The following ZFHX3 variants were observed in gnomAD, a reference collection of about 807,000 sequenced individuals.
The protein encoded by ZFHX3 is zinc finger homeobox protein 3.
A neutral mutation model predicts 279.1 loss-of-function variants in ZFHX3; 42 were observed. The ratio of observed to expected loss-of-function variants is 0.15; its 90% CI spans 0.12 to 0.19. The LOEUF is 0.19. Ranked by LOEUF, ZFHX3 falls within the 10% of genes least tolerant of loss-of-function variation. The pLI is 1.00. For missense variants in ZFHX3, 4,981 were observed against 4,754.0 expected (o/e 1.05, Z -1.40); for synonymous variants, 2,293 against 1,957.8 (o/e 1.17, Z -4.52).
intron 1 of ZFHX3, among the ~76,000 whole-genome samples, chr16:73,842,856 C>T (rs1476862517): frequency 1.3e-5 from 2 of 152,178 alleles, no homozygotes; most frequent in Non-Finnish European, 2.9e-5. Flanking sequence ...TCCCATGCCC[C>T]AGCTCTTATG....
At chr16:73,277,354 G>C (rs2014326887) in intron 4 of ZFHX3, among the ~76,000 whole-genome samples, 1 of 152,180 alleles carries the variant, frequency 6.6e-6, no homozygotes, top group Non-Finnish European at 1.5e-5. Flanking sequence ...ATTCTCAAGG[G>C]CAGCACTGTG....
At chr16:72,902,518 C>T (rs910975059) in intron 3 of ZFHX3, among the ~76,000 whole-genome samples, 3 of 152,194 alleles carry the variant, frequency 2.0e-5, no homozygotes, top group East Asian at 1.9e-4. Context: ...GCAAGGCACC[C>T]GTCCCTGGGG....
intron 7 of ZFHX3, among the ~76,000 whole-genome samples, chr16:73,113,943 C>A (rs554567238): frequency 1.4e-3 from 220 of 151,912 alleles, no homozygotes; most frequent in African/African-American, 5.2e-3. Context: ...CTACAGGCAC[C>A]CACTACCATG....
At chr16:73,355,837 T>C (rs375989732) in intron 3 of ZFHX3, among the ~76,000 whole-genome samples, 10 of 152,178 alleles carry the variant, frequency 6.6e-5, no homozygotes, top group African/African-American at 1.2e-4. Flanking sequence ...GTACCAAGCA[T>C]AGGGCTTGAC....
At chr16:73,005,477 G>A (rs1963668362) in intron 1 of ZFHX3, 1 of 151,404 alleles carries the variant, frequency 6.6e-6, no homozygotes, top group Non-Finnish European at 1.5e-5. Flanking sequence ...CCTAGGTGAG[G>A]GAACAAGACT....
chr16:73,631,800 G>C (rs558383273), intron 2 of ZFHX3, among the ~76,000 whole-genome samples: 1 of 151,976 alleles, frequency 6.6e-6, no homozygotes, highest in African/African-American at 2.4e-5. Context: ...CCAGCTACTC[G>C]GGTGGCTGAG....
chr16:72,997,533 C>A (rs1054572181), intron 1 of ZFHX3, among the ~76,000 whole-genome samples: 34 of 152,150 alleles, frequency 2.2e-4, no homozygotes, highest in African/African-American at 8.2e-4. Flanking sequence ...CAGATCACAG[C>A]CAGTGGGACA....
intron 5 of ZFHX3, among the ~76,000 whole-genome samples, chr16:73,160,316 C>A (rs1042124092): frequency 4.6e-5 from 7 of 152,036 alleles, no homozygotes; most frequent in African/African-American, 1.7e-4. Flanking sequence ...AATAAATAGC[C>A]CGTCAACCAA....
At chr16:73,358,732 ACT>A (rs749837545) in intron 3 of ZFHX3, among the ~76,000 whole-genome samples, 6 of 152,130 alleles carry the variant, frequency 3.9e-5, no homozygotes, top group Non-Finnish European at 8.8e-5. Context: ...CTGTAAAACA[ACT>A]CTGTGTCCAG....
intron 1 of ZFHX3, among the ~76,000 whole-genome samples, chr16:73,720,429 C>T (rs547982198): frequency 6.6e-6 from 1 of 152,294 alleles, no homozygotes; most frequent in East Asian, 1.9e-4. Context: ...ATGTCCATTT[C>T]CGTAGCTAAC....
At chr16:73,129,729 T>TGTGA (rs1323055864) in intron 7 of ZFHX3, among the ~76,000 whole-genome samples, 2 of 151,922 alleles carry the variant, frequency 1.3e-5, no homozygotes, top group African/African-American at 4.8e-5. Context: ...TGTGTGTGTG[T>TGTGA]GTGTGTGTGT....
intron 4 of ZFHX3, among the ~76,000 whole-genome samples, chr16:73,314,156 T>C (rs1315926012): frequency 6.6e-6 from 1 of 152,182 alleles, no homozygotes; most frequent in Non-Finnish European, 1.5e-5. Context: ...AAGAGGTGGG[T>C]CTCATCTAAT....
intron 7 of ZFHX3, among the ~76,000 whole-genome samples, chr16:73,130,391 G>A (rs1391150682): frequency 6.6e-6 from 1 of 152,042 alleles, no homozygotes; most frequent in African/African-American, 2.4e-5. Flanking sequence ...CATCCTTTTG[G>A]TCTTTACAGA....
At chr16:73,159,613 C>T (rs959694532) in intron 5 of ZFHX3, among the ~76,000 whole-genome samples, 9 of 152,128 alleles carry the variant, frequency 5.9e-5, no homozygotes, top group South Asian at 2.1e-4. Context: ...AACTCAGACT[C>T]GGAGAATGGC....
intron 8 of ZFHX3, among the ~76,000 whole-genome samples, chr16:73,070,959 C>T (rs1274127246): frequency 6.7e-6 from 1 of 148,172 alleles, no homozygotes; most frequent in African/African-American, 2.5e-5. Context: ...CACACACACA[C>T]ACACACACAC....
chr16:73,741,562 C>T (rs1179545192), intron 1 of ZFHX3, among the ~76,000 whole-genome samples: 1 of 152,202 alleles, frequency 6.6e-6, no homozygotes, highest in Non-Finnish European at 1.5e-5. Flanking sequence ...CCAAGCAGCT[C>T]TGGGCAGCCA....
At chr16:72,930,502 G>C (rs117289604) in intron 3 of ZFHX3, among the ~76,000 whole-genome samples, 3 of 152,038 alleles carry the variant, frequency 2.0e-5, no homozygotes, top group Non-Finnish European at 2.9e-5. Context: ...AAAGTATCTC[G>C]AGGCCCAAAG....
At chr16:72,984,555 G>A (rs564940019) in intron 1 of ZFHX3, among the ~76,000 whole-genome samples, 2 of 151,850 alleles carry the variant, frequency 1.3e-5, no homozygotes, top group Admixed American at 1.3e-4. Context: ...GAGCTCAAGA[G>A]GTTGAGGCTG....
At chr16:73,094,721 T>C (rs932455853) in intron 7 of ZFHX3, among the ~76,000 whole-genome samples, 10 of 152,156 alleles carry the variant, frequency 6.6e-5, no homozygotes, top group Non-Finnish European at 1.2e-4. Flanking sequence ...GTTGCTGTTG[T>C]TATTTTTTGA....
Sources: gnomAD v4.1 joint callset for allele counts (sites outside exome capture counted in the v4.1 genomes callset) on GRCh38, gnomAD v4.1.1 for gene constraint, MANE v1.5 for transcripts, NCBI Gene and HGNC (gene_info 2026-07-23, HGNC 2026-07-21) for gene names.